The following PIK3CA variants were observed in gnomAD, a reference collection of about 807,000 sequenced individuals.
PIK3CA encodes the protein phosphatidylinositol 4,5-bisphosphate 3-kinase catalytic subunit alpha isoform.
Under a neutral mutation model 138.2 loss-of-function variants are expected in PIK3CA, and 27 were observed. The ratio of observed to expected loss-of-function variants is 0.20; its 90% CI spans 0.14 to 0.27. The LOEUF is 0.27. PIK3CA is among the 10% of genes least tolerant of loss of function. The pLI is 1.00. For missense variants in PIK3CA, 544 were observed against 1,277.4 expected (o/e 0.43, Z 8.75); for synonymous variants, 358 against 413.2 (o/e 0.87, Z 1.62).
intron 1 of PIK3CA, among the ~76,000 whole-genome samples, chr3:179,175,070 G>A (rs1452912888): frequency 6.6e-6 from 1 of 152,004 alleles, no homozygotes; most frequent in Admixed American, 6.5e-5. Flanking sequence ...CTTCATCCTG[G>A]AAATTCCCTA....
At chr3:179,229,199 GT>G (rs1725155214) in intron 17 of PIK3CA, 72 bp from the exon 18 acceptor site, 1 of 1,206,186 alleles carries the variant, frequency 8.3e-7, no homozygotes, top group African/African-American at 1.5e-5. Context: ...AAATACTCAT[GT>G]TTTAGCCTGT....
chr3:179,221,960 G>A (rs552488196), intron 14 of PIK3CA, among the ~76,000 whole-genome samples: 350 of 151,634 alleles, frequency 2.3e-3, no homozygotes, highest in Non-Finnish European at 4.1e-3. Flanking sequence ...TGCCCACCTC[G>A]GCCTCCCAAA....
In PIK3CA at chr3:179,157,236, G is replaced by GCCTTATGAAGCTTTTCTTAAAAT. The variant is rs1350250839; in HGVS notation, c.-77+8633_-77+8634insCCTTATGAAGCTTTTCTTAAAAT. Among the ~76,000 whole-genome samples the GCCTTATGAAGCTTTTCTTAAAAT allele has an allele frequency of 2.0e-5, 3 of 151,966 alleles. No individual in the cohort carries two copies. In the East Asian group the frequency reaches 5.8e-4, roughly 29 times the overall value. On this transcript the variant is annotated intron_variant, in intron 1 of 20. Coordinates refer to ENST00000263967, the MANE Select transcript of PIK3CA (RefSeq NM_006218.4). ...TCTGAAGCTTTTCTTAAAATCTAAT[G>GCCTTATGAAGCTTTTCTTAAAAT]GCTACTATTATTTGCAGTTGAGACC...
intron 1 of PIK3CA, among the ~76,000 whole-genome samples, chr3:179,193,933 T>G (rs555528496): frequency 1.3e-5 from 2 of 152,322 alleles, no homozygotes; most frequent in South Asian, 4.1e-4. Flanking sequence ...TTCATAATTT[T>G]ATAGTGATTT....
intron 1 of PIK3CA, among the ~76,000 whole-genome samples, chr3:179,153,383 A>G (rs1393778463): frequency 2.0e-5 from 3 of 152,100 alleles, no homozygotes; most frequent in Non-Finnish European, 4.4e-5. Flanking sequence ...GAAATTTTAT[A>G]TGCTCCAAAA....
intron 3 of PIK3CA, among the ~76,000 whole-genome samples, chr3:179,200,113 A>C (rs1724374427): frequency 6.6e-6 from 1 of 151,968 alleles, no homozygotes; most frequent in East Asian, 1.9e-4. Flanking sequence ...TATGATACTG[A>C]TTTCTTGGTA....
intron 7 of PIK3CA, 55 bp downstream of exon 7, chr3:179,209,755 C>A (rs1370765378): frequency 2.2e-6 from 2 of 920,770 alleles, no homozygotes; most frequent in African/African-American, 1.7e-5. Context: ...CCTGATTATA[C>A]CGCTGATTGA....
At chr3:179,204,878 G>A (rs1392869235) in intron 6 of PIK3CA, among the ~76,000 whole-genome samples, 9 of 151,642 alleles carry the variant, frequency 5.9e-5, no homozygotes, top group Non-Finnish European at 7.4e-5. Context: ...AACATTAGCC[G>A]GGCGTGGTGG....
intron 1 of PIK3CA, among the ~76,000 whole-genome samples, chr3:179,179,610 T>C (rs1723789649): frequency 1.3e-5 from 2 of 152,292 alleles, no homozygotes; most frequent in East Asian, 3.9e-4. Context: ...TCAAAAGTCA[T>C]CAAACTTAAT....
Position 179,239,491 on chromosome 3 carries a change from A to G in PIK3CA, c.*5127A>G. ...TTTTAAAAGTCCCTTGTTCAATTTAACTTATGTTCCTAAGAGAGGTTGGAG... is the reference window on the plus strand; with the variant it reads ...TTTTAAAAGTCCCTTGTTCAATTTAGCTTATGTTCCTAAGAGAGGTTGGAG... On this transcript the variant is annotated 3_prime_UTR_variant, in exon 21 of 21. Coordinates refer to ENST00000263967, the MANE Select transcript of PIK3CA (RefSeq NM_006218.4). 4.8e-6 allele frequency: 1 copy of G among 208,992 alleles called. No individual in the cohort carries two copies. Among genetic ancestry groups the G allele is most frequent in the East Asian group, 7.2e-5 (1 of 13,838 alleles). The allele number at this position is 208,992 out of a possible 1,614,324, so 12.9% of individuals were successfully genotyped here.
chr3:179,189,194 A>T (rs1320692646), intron 1 of PIK3CA, among the ~76,000 whole-genome samples: 1 of 152,158 alleles, frequency 6.6e-6, no homozygotes, highest in Non-Finnish European at 1.5e-5. Flanking sequence ...AGCCTGCGTG[A>T]CACAGCAAGA....
rs548023786 is a variant in PIK3CA at position 179,206,036 on chromosome 3, C to T, written c.1145+1448C>T. 5.3e-5 allele frequency among the ~76,000 whole-genome samples: 8 copies of T among 149,802 alleles called. No homozygotes were observed. In the East Asian group the frequency reaches 1.2e-3, roughly 22 times the overall value. On this transcript the variant is annotated intron_variant, in intron 6 of 20. Coordinates refer to ENST00000263967, the MANE Select transcript of PIK3CA (RefSeq NM_006218.4). ...ACCTAAACCACTGTAGGTCAGAAAA[C>T]GTATCATTCAGGTCAGAAATGAGAT...
chr3:179,195,668 G>A (rs532115681), intron 1 of PIK3CA, among the ~76,000 whole-genome samples: 3 of 152,246 alleles, frequency 2.0e-5, no homozygotes, highest in South Asian at 4.1e-4. Context: ...TAACAGCATG[G>A]TTATAATATG....
At chr3:179,148,175 G>GT (rs1722899885), upstream of PIK3CA, 1 of 152,358 alleles carries the variant, frequency 6.6e-6, no homozygotes, top group African/African-American at 2.4e-5. Flanking sequence ...GGAGGAGGGG[G>GT]GGGGCCGAGG....
At chr3:179,190,377 A>G (rs182544094) in intron 1 of PIK3CA, among the ~76,000 whole-genome samples, 1 of 151,192 alleles carries the variant, frequency 6.6e-6, no homozygotes, top group East Asian at 1.9e-4. Context: ...GAGGTCAAAC[A>G]TGACTACAGA....
At chr3:179,215,551 G>A (rs554482745) in intron 9 of PIK3CA, among the ~76,000 whole-genome samples, 1 of 152,022 alleles carries the variant, frequency 6.6e-6, no homozygotes, top group Non-Finnish European at 1.5e-5. Flanking sequence ...AAATATAAAA[G>A]AAGGATAGAA....
At position 179,219,320 on chromosome 3, in the gene PIK3CA, T is replaced by A. The variant is rs1160032532; in HGVS notation, c.1746+43T>A. 1 of 1,143,330 alleles carries A rather than the reference T, an allele frequency of 8.7e-7. No individual in the cohort carries two copies. The highest frequency in any genetic ancestry group is 1.3e-6 in the Non-Finnish European group (1 of 755,468). The allele number at this position is 1,143,330 out of a possible 1,614,324, so 70.8% of individuals were successfully genotyped here. ...ATTACTAGATAACTGTTGTACAAAT[T>A]GGTATGTCACTTAAATTGTTTTCTC... is the stretch of plus-strand genomic sequence containing the variant. On this transcript the variant is annotated intron_variant, in intron 11 of 20. Transcript: ENST00000263967. This position sits in a 1 kb window ranked among gnomAD's most constrained non-coding sequence, Gnocchi z 4.2.
rs557901470 is a variant in PIK3CA at position 179,209,395 on chromosome 3, A to G, written c.1146-200A>G. ...ATATCTCCATGAGATTTTAATTTTC[A>G]TTTTCTGTATGACTAATAATGACTC... is the stretch of plus-strand genomic sequence containing the variant. On this transcript the variant is annotated intron_variant, in intron 6 of 20. Coordinates refer to ENST00000263967, the MANE Select transcript of PIK3CA (RefSeq NM_006218.4). 3.3e-5 allele frequency among the ~76,000 whole-genome samples: 5 copies of G among 152,050 alleles called. No homozygotes were observed. The East Asian group carries it at 9.6e-4, about 29-fold the overall frequency.
intron 5 of PIK3CA, 110 bp downstream of exon 5, chr3:179,203,899 A>C (rs1390872346): frequency 1.4e-6 from 1 of 723,504 alleles, no homozygotes; most frequent in African/African-American, 1.8e-5. Context: ...GATGGTTAGG[A>C]GAACATCCAA....
Sources: gnomAD v4.1 joint callset for allele counts (sites outside exome capture counted in the v4.1 genomes callset) on GRCh38, gnomAD v4.1.1 for gene constraint, Gnocchi (gnomAD v3.1) non-coding constraint, MANE v1.5 for transcripts, NCBI Gene and HGNC (gene_info 2026-07-23, HGNC 2026-07-21) for gene names.